COLGALT2: variants seen among roughly 807,000 people sequenced by gnomAD.
The protein encoded by COLGALT2 is collagen beta(1-O)galactosyltransferase 2.
COLGALT2 carries 49 observed loss-of-function variants against 73.4 expected under a neutral mutation model. The ratio of observed to expected loss-of-function variants is 0.67; its 90% CI spans 0.53 to 0.85. The LOEUF is 0.85. Among genes scored for constraint, COLGALT2 ranks in the 40% least tolerant of loss-of-function variants. The pLI, the probability that COLGALT2 is intolerant of heterozygous loss-of-function variation, is 0.00. For synonymous variants in COLGALT2, 295 were observed against 307.6 expected (o/e 0.96, Z 0.43); for missense variants, 722 against 790.2 (o/e 0.91, Z 1.03).
Position 183,947,961 on chromosome 1 carries a change from C to A in COLGALT2, c.1137-2397G>T, listed in dbSNP as rs112051798. ...AAAGATTATATGATAATACTATGAA[C>A]AATTGTATGGCAACAAATTAGATAA... On this transcript the variant is annotated intron_variant, in intron 8 of 11. Coordinates refer to ENST00000361927, the MANE Select transcript of COLGALT2 (RefSeq NM_015101.4). 1.8e-3 allele frequency among the ~76,000 whole-genome samples: 268 copies of A among 152,042 alleles called. 1 individual carries two copies. The highest frequency in any genetic ancestry group is 5.4e-3 in the African/African-American group (224 of 41,476).
chr1:183,944,086 G>A (rs999774777), intron 10 of COLGALT2, 110 bp downstream of exon 10: 1 of 1,250,736 alleles, frequency 8.0e-7, no homozygotes, highest in Non-Finnish European at 1.1e-6. Context: ...AACTAGATAA[G>A]TGGAAGCTTA....
chr1:183,930,024 G>C (rs527725055), exon 12 of COLGALT2: 9 of 317,610 alleles, frequency 2.8e-5, no homozygotes, highest in South Asian at 2.2e-4. Flanking sequence ...ATGATAAAGA[G>C]AGTAAAGAGA....
At chr1:183,945,300 G>GC in intron 9 of COLGALT2, 132 bp downstream of exon 9, 1 of 1,087,808 alleles carries the variant, frequency 9.2e-7, no homozygotes, top group Non-Finnish European at 1.3e-6. Context: ...GAGACACAAG[G>GC]CAGGAGCAGC....
intron 1 of COLGALT2, among the ~76,000 whole-genome samples, chr1:184,020,513 C>G (rs1007324326): frequency 6.6e-6 from 1 of 152,118 alleles, no homozygotes; most frequent in Non-Finnish European, 1.5e-5. Context: ...TTTCTCCATT[C>G]CTCCCCTCCT....
Position 183,938,499 on chromosome 1 carries a change from T to C in COLGALT2, c.*262A>G. ...TCACATGAGTAGTGAACTGAAGAAT[T>C]AGGTGTCTGGATTACAGTTTATCTT... On this transcript the variant is annotated 3_prime_UTR_variant, in exon 12 of 12. Coordinates refer to ENST00000361927, the MANE Select transcript of COLGALT2 (RefSeq NM_015101.4). The C allele has an allele frequency of 7.5e-7, 1 of 1,331,606 alleles. No individual in the cohort carries two copies. The highest frequency in any genetic ancestry group is 1.7e-5 in the South Asian group (1 of 58,788). 82.5% of individuals were successfully genotyped at this position (1,331,606 alleles called of 1,614,324 possible).
intron 1 of COLGALT2, among the ~76,000 whole-genome samples, chr1:184,007,469 T>A (rs1416619505): frequency 2.6e-5 from 4 of 152,224 alleles, no homozygotes; most frequent in African/African-American, 7.2e-5. Flanking sequence ...AAAATCATGG[T>A]ATATCAGACT....
intron 8 of COLGALT2, 158 bp from the exon 9 acceptor site, chr1:183,945,722 G>A (rs904125735): frequency 1.3e-6 from 1 of 774,690 alleles, no homozygotes; most frequent in Admixed American, 2.9e-5. Context: ...AGGCTAATGT[G>A]TCACACTAGT....
chr1:183,995,704 T>C (rs1055792965), intron 1 of COLGALT2, among the ~76,000 whole-genome samples: 1 of 152,098 alleles, frequency 6.6e-6, no homozygotes, highest in Non-Finnish European at 1.5e-5. Flanking sequence ...TTTCTTCACA[T>C]TTTTTTCCCT....
Position 183,975,091 on chromosome 1 carries a change from T to C in COLGALT2, c.492+6A>G. Reference sequence around the variant, plus strand: ...AGTTGTCAAGAAATCAAACATCTGTTTTTACCAGAATGTAGTCTGACCATT... The same window carrying C: ...AGTTGTCAAGAAATCAAACATCTGTCTTTACCAGAATGTAGTCTGACCATT... On this transcript the variant is annotated splice_donor_region_variant and intron_variant, in intron 3 of 11. Transcript: ENST00000361927. 2 of 1,597,552 alleles carry C rather than the reference T, an allele frequency of 1.3e-6. No individual in the cohort carries two copies. Among genetic ancestry groups the C allele is most frequent in the Non-Finnish European group, 1.7e-6 (2 of 1,165,048 alleles).
At chr1:183,971,881 C>T (rs1354961069) in intron 4 of COLGALT2, among the ~76,000 whole-genome samples, 2 of 152,194 alleles carry the variant, frequency 1.3e-5, no homozygotes, top group Admixed American at 6.5e-5. Context: ...AGTGGCTATA[C>T]TGCAGTTTAC....
intron 1 of COLGALT2, among the ~76,000 whole-genome samples, chr1:184,001,260 A>T (rs67957214): frequency 0.32 from 49,161 of 151,646 alleles, 10,983 homozygotes; most frequent in African/African-American, 0.63. Context: ...CTACTTTTTT[A>T]AAAAAAATAA....
intron 6 of COLGALT2, among the ~76,000 whole-genome samples, chr1:183,958,079 C>T (rs1321235692): frequency 1.3e-5 from 2 of 152,086 alleles, no homozygotes; most frequent in African/African-American, 4.8e-5. Flanking sequence ...TCATTCATCT[C>T]CCGAAGGCAG....
At chr1:184,028,579 C>T (rs574723669) in intron 1 of COLGALT2, among the ~76,000 whole-genome samples, 2 of 152,316 alleles carry the variant, frequency 1.3e-5, no homozygotes, top group South Asian at 4.2e-4. Context: ...CCTGATGTAT[C>T]CCTCAATAGG....
chr1:184,027,400 C>T (rs959888384), intron 1 of COLGALT2, among the ~76,000 whole-genome samples: 4 of 152,184 alleles, frequency 2.6e-5, no homozygotes, highest in African/African-American at 7.2e-5. Context: ...CCTAGGACCC[C>T]GCTGTGGACC....
At position 183,940,795 on chromosome 1, in the gene COLGALT2, G is replaced by T; in HGVS notation, c.1398-8C>A. The T allele has an allele frequency of 6.2e-7, 1 of 1,612,826 alleles. No individual in the cohort carries two copies. The highest frequency in any genetic ancestry group is 1.1e-5 in the South Asian group (1 of 91,062). The stretch of plus-strand genomic sequence containing the variant: ...CTCTTCCTACCAATATAACTGTAAG[G>T]AAATGGCAGAGGAGAAAAATTCCAC... On this transcript the variant is annotated splice_polypyrimidine_tract_variant and splice_region_variant and intron_variant, in intron 10 of 11. Transcript: ENST00000361927.
At chr1:183,934,210 G>A (rs1264918920), downstream of COLGALT2, among the ~76,000 whole-genome samples, 1 of 152,148 alleles carries the variant, frequency 6.6e-6, no homozygotes, top group Non-Finnish European at 1.5e-5. Context: ...CTCTTGCTCT[G>A]TCCCTGGGAT....
chr1:184,006,993 C>T (rs7534028), intron 1 of COLGALT2, among the ~76,000 whole-genome samples: 2 of 152,136 alleles, frequency 1.3e-5, no homozygotes, highest in African/African-American at 4.8e-5. Context: ...AACTACTATC[C>T]CTCAAGATTT....
At chr1:183,993,338 C>T (rs1341886762) in intron 1 of COLGALT2, among the ~76,000 whole-genome samples, 1 of 152,156 alleles carries the variant, frequency 6.6e-6, no homozygotes, top group Non-Finnish European at 1.5e-5. Flanking sequence ...GAAGGCAGCA[C>T]CCAGGAAATA....
rs564074126 is a variant in COLGALT2 at position 183,944,383 on chromosome 1, GATAA to G, written c.1270-64_1270-61del. 2.3e-3 allele frequency: 3,529 copies of G among 1,552,554 alleles called. 21 individuals are homozygous for G. Among genetic ancestry groups the G allele is most frequent in the African/African-American group, 0.014 (985 of 72,368 alleles). Reference sequence around the variant, plus strand: ...AAAGTTTGAAACCCAATTTTTATTAGATAAATAAGTATTAAAAAGTCACGAGTCT... The same window carrying G: ...AAAGTTTGAAACCCAATTTTTATTAGATAAGTATTAAAAAGTCACGAGTCT... On this transcript the variant is annotated intron_variant, in intron 9 of 11. Transcript: ENST00000361927.
Sources: gnomAD v4.1 joint callset for allele counts (sites outside exome capture counted in the v4.1 genomes callset) on GRCh38, gnomAD v4.1.1 for gene constraint, MANE v1.5 for transcripts, NCBI Gene and HGNC (gene_info 2026-07-23, HGNC 2026-07-21) for gene names.